The following FRK variants were observed in gnomAD, a reference collection of about 807,000 sequenced individuals.
FRK encodes fyn related Src family tyrosine kinase.
FRK carries 51 observed loss-of-function variants against 56.4 expected under a neutral mutation model. The ratio of observed to expected loss-of-function variants is 0.90; its 90% confidence interval spans 0.72 to 1.14. The LOEUF is 1.14. Among genes scored for constraint, FRK ranks in the 50% most tolerant of loss-of-function variants. The pLI, the probability that FRK is intolerant of heterozygous loss-of-function variation, is 0.00. For missense variants in FRK, 570 were observed against 601.4 expected, an observed-to-expected ratio of 0.95 and a Z score of 0.55; for synonymous variants, 245 against 217.9, an observed-to-expected ratio of 1.12 and a Z score of -1.10.
upstream of FRK, among the ~76,000 whole-genome samples, chr6:116,063,496 T>TA (rs752170885): frequency 6.0e-4 from 84 of 139,228 alleles, 1 homozygote; most frequent in East Asian, 1.9e-3. Context: ...ATGTGGAAGC[T>TA]AAAAAAAAAA....
intron 1 of FRK, among the ~76,000 whole-genome samples, chr6:116,030,547 C>A (rs1776267418): frequency 6.6e-6 from 1 of 151,966 alleles, no homozygotes; most frequent in African/African-American, 2.4e-5. Flanking sequence ...AAAGAACAAG[C>A]CATGAGGAGG....
chr6:115,953,228 C>A (rs1484965244), intron 5 of FRK, among the ~76,000 whole-genome samples: 1 of 103,238 alleles, frequency 9.7e-6, no homozygotes, highest in Non-Finnish European at 1.7e-5. Flanking sequence ...CTCGCTCTGT[C>A]GCCCAGGCTG....
chr6:115,985,341 G>A (rs1374118725), intron 2 of FRK, among the ~76,000 whole-genome samples: 1 of 152,076 alleles, frequency 6.6e-6, no homozygotes, highest in Non-Finnish European at 1.5e-5. Context: ...TATAAGACAA[G>A]GATAGAGACA....
intron 1 of FRK, among the ~76,000 whole-genome samples, chr6:116,057,533 C>T (rs527988212): frequency 6.6e-6 from 1 of 152,262 alleles, no homozygotes; most frequent in Non-Finnish European, 1.5e-5. Context: ...GCCAGGTTCA[C>T]AGGTGAAGAC....
chr6:115,979,591 AACATCACAGGCCTTCACATTG>A (rs1774123970), intron 2 of FRK, among the ~76,000 whole-genome samples: 1 of 152,162 alleles, frequency 6.6e-6, no homozygotes, highest in Non-Finnish European at 1.5e-5. Context: ...AAAGTACAAT[AACATCACAGGCCTTCACATTG>A]ACATCACAGG....
At chr6:116,093,781 T>C in the FRK span, among the ~76,000 whole-genome samples, 1 of 152,214 alleles carries the variant, frequency 6.6e-6, no homozygotes, top group Admixed American at 6.5e-5. Context: ...CAAGTGGCTA[T>C]GGGAGGCCTT....
Position 115,976,548 on chromosome 6 carries a change from A to C in FRK, c.467-7809T>G, listed in dbSNP as rs190480520. Among the ~76,000 whole-genome samples, 280 of 152,246 alleles carry C rather than the reference A, an allele frequency of 1.8e-3. 11 individuals carry two copies. In the South Asian group the frequency reaches 0.035, roughly 19 times the overall value. On this transcript the variant is annotated intron_variant, in intron 2 of 7. Transcript: ENST00000606080. The stretch of plus-strand genomic sequence containing the variant: ...TTGATTGTGCAGATTTTTGTTTTTC[A>C]GCTGGTCTTCTGGCATCATCTGGGC...
rs1775151679 is a variant in FRK, at chr6:116,003,856, GAC to G, written c.466+19_466+20del. The G allele has an allele frequency of 6.2e-7, 1 of 1,611,834 alleles. No individual in the cohort carries two copies. The highest frequency in any genetic ancestry group is 1.1e-5 in the South Asian group (1 of 90,876). On this transcript the variant is annotated intron_variant, in intron 2 of 7. Coordinates refer to ENST00000606080, the MANE Select transcript of FRK (RefSeq NM_002031.3). ...GCAGACTCTCAAGCTCATATTGAAT[GAC>G]ACAAAACAATACCCTTACCTGAAAG... is the stretch of plus-strand genomic sequence containing the variant.
intron 1 of FRK, among the ~76,000 whole-genome samples, chr6:116,026,443 C>G (rs73770702): frequency 7.0e-6 from 1 of 142,942 alleles, no homozygotes; most frequent in Non-Finnish European, 1.5e-5. Context: ...AGTTCCTAGA[C>G]GTGACACCAA....
At position 115,991,778 on chromosome 6, in the gene FRK, A is replaced by G. The variant is rs192349313; in HGVS notation, c.466+12099T>C. On this transcript the variant is annotated intron_variant, in intron 2 of 7. Transcript: ENST00000606080. Reference sequence around the variant, plus strand: ...AGATTTTTGTATCAGGATGATAATGATTTTGTAGAATGAGTTAGAGAGGAA... The same window carrying G: ...AGATTTTTGTATCAGGATGATAATGGTTTTGTAGAATGAGTTAGAGAGGAA... 4.6e-5 allele frequency among the ~76,000 whole-genome samples: 7 copies of G among 151,554 alleles called. No homozygotes were observed. The East Asian group carries it at 1.4e-3, about 29-fold the overall frequency.
At chr6:116,061,035 T>C (rs1329343739), upstream of FRK, among the ~76,000 whole-genome samples, 1 of 152,230 alleles carries the variant, frequency 6.6e-6, no homozygotes, top group Admixed American at 6.5e-5. Context: ...CTATATTCCT[T>C]TTGTTTCATC....
chr6:115,956,446 G>T lies in FRK; in HGVS notation c.958+6C>A, dbSNP rs890355831. ...TTTTTTTCCTTGTATTAAGTCTTTAGCTTACTTTGGAGATATTCTTGCAGA... is the reference window on the plus strand; with the variant it reads ...TTTTTTTCCTTGTATTAAGTCTTTATCTTACTTTGGAGATATTCTTGCAGA... On this transcript the variant is annotated splice_donor_region_variant and intron_variant, in intron 5 of 7. Transcript: ENST00000606080. The T allele has an allele frequency of 3.3e-6, 5 of 1,504,672 alleles. No homozygotes were observed. 93.2% of individuals were successfully genotyped at this position (1,504,672 alleles called of 1,614,324 possible). A position where few individuals can be genotyped will look rare whatever the true frequency, so the allele number is the denominator to read the frequency against.
At chr6:115,963,086 C>CAA (rs1413313075) in intron 4 of FRK, among the ~76,000 whole-genome samples, 1 of 50,100 alleles carries the variant, frequency 2.0e-5, no homozygotes, top group Non-Finnish European at 4.1e-5. Context: ...AAAAAACCTT[C>CAA]AAAAAATCAA....
chr6:116,037,046 C>A (rs1776511859), intron 1 of FRK, among the ~76,000 whole-genome samples: 1 of 152,142 alleles, frequency 6.6e-6, no homozygotes, highest in Non-Finnish European at 1.5e-5. Flanking sequence ...TGGAGAATGT[C>A]AGGCACACCC....
In FRK at chr6:116,013,182, CTATT is replaced by C. The variant is rs564063021; in HGVS notation, c.345-9188_345-9185del. Among the ~76,000 whole-genome samples, 363 of 152,192 alleles carry C rather than the reference CTATT, an allele frequency of 2.4e-3. 3 individuals carry two copies. The highest frequency in any genetic ancestry group is 0.023 in the South Asian group (112 of 4,818). On this transcript the variant is annotated intron_variant, in intron 1 of 7. Transcript: ENST00000606080. ...GTGCTTTCTTCACTGGGGGAGGTGA[CTATT>C]TATAAAAGAATCTTGTTATAGTCTG... is the stretch of plus-strand genomic sequence containing the variant.
chr6:116,097,062 G>C, the FRK span, among the ~76,000 whole-genome samples: 2 of 152,024 alleles, frequency 1.3e-5, no homozygotes, highest in Non-Finnish European at 2.9e-5. Context: ...CTTGTGGTAA[G>C]AACAGAGTAG....
chr6:115,991,305 A>G (rs1174854834), intron 2 of FRK, among the ~76,000 whole-genome samples: 1 of 151,852 alleles, frequency 6.6e-6, no homozygotes, highest in Non-Finnish European at 1.5e-5. Flanking sequence ...TTCCAGTACT[A>G]TATTGAATAG....
intron 1 of FRK, among the ~76,000 whole-genome samples, chr6:116,027,799 T>C (rs1441121619): frequency 6.7e-6 from 1 of 149,018 alleles, no homozygotes; most frequent in Non-Finnish European, 1.5e-5. Context: ...TAAAAGACAT[T>C]AAAAGAAAAA....
chr6:115,951,637 C>G (rs998743672), intron 5 of FRK, among the ~76,000 whole-genome samples: 6 of 152,062 alleles, frequency 3.9e-5, no homozygotes, highest in African/African-American at 1.2e-4. Context: ...TGAGAAACTA[C>G]AAAAAAGGTT....
Sources: gnomAD v4.1 joint callset for allele counts (sites outside exome capture counted in the v4.1 genomes callset) on GRCh38, gnomAD v4.1.1 for gene constraint, MANE v1.5 for transcripts, NCBI Gene and HGNC (gene_info 2026-07-23, HGNC 2026-07-21) for gene names.